DDAH1: variants seen among roughly 807,000 people sequenced by gnomAD.
The protein encoded by DDAH1 is N(G),N(G)-dimethylarginine dimethylaminohydrolase 1.
In DDAH1, 19 loss-of-function variants were observed where a neutral mutation model predicts 28.8. The ratio of observed to expected loss-of-function variants is 0.66; its 90% CI spans 0.46 to 0.97. DDAH1 has a LOEUF of 0.97. Among genes scored for constraint, DDAH1 ranks in the 50% least tolerant of loss-of-function variants. The probability of loss-of-function intolerance (pLI) is 0.00; values close to 1 mark genes in which losing one functional copy is unlikely to be tolerated. For synonymous variants in DDAH1, 153 were observed against 154.4 expected (o/e 0.99, Z 0.07); for missense variants, 326 against 375.9 (o/e 0.87, Z 1.10).
At chr1:85,529,429 T>A (rs1658003900) in intron 1 of DDAH1, among the ~76,000 whole-genome samples, 1 of 151,890 alleles carries the variant, frequency 6.6e-6, no homozygotes. Context: ...CACATGACAG[T>A]ATAGATTCCC....
intron 1 of DDAH1, among the ~76,000 whole-genome samples, chr1:85,389,188 A>C (rs971764429): frequency 7.9e-5 from 12 of 152,092 alleles, no homozygotes; most frequent in Admixed American, 3.3e-4. Flanking sequence ...CTAAAAATGA[A>C]AATTAAATGC....
chr1:85,350,451 T>C lies in DDAH1; in HGVS notation c.561A>G (p.Ala187=), dbSNP rs2230820. 300,607 of 1,613,702 alleles carry C rather than the reference T, an allele frequency of 0.19. 29,651 individuals are homozygous for C. The highest frequency in any genetic ancestry group is 0.21 in the Admixed American group (12,592 of 59,978). The change falls in exon 4 of 6, where the codon GCA becomes GCG. Residue 187 remains alanine (A), a synonymous_variant. Coordinates refer to ENST00000284031, the MANE Select transcript of DDAH1 (RefSeq NM_012137.4). ...TCTGTGCAGATTCACTAGACCCAAT[T>C]GCGATCAGGTTAGGCCCAGCCATGC... ...FCSMAGPNLI[A]IGSSESAQKA... is the part of the protein sequence containing the mutation.
At chr1:85,361,062 A>G (rs1441890250) in intron 1 of DDAH1, among the ~76,000 whole-genome samples, 2 of 152,228 alleles carry the variant, frequency 1.3e-5, no homozygotes, top group African/African-American at 4.8e-5. Context: ...TGAGAACTGC[A>G]GGGCCATATG....
chr1:85,386,947 G>A (rs914894251), intron 1 of DDAH1, among the ~76,000 whole-genome samples: 4 of 152,200 alleles, frequency 2.6e-5, no homozygotes, highest in Admixed American at 6.5e-5. Context: ...GACAATTGGA[G>A]AAATAACTGG....
chr1:85,474,767 C>T (rs10873703), intron 2 of DDAH1, among the ~76,000 whole-genome samples: 2,268 of 152,200 alleles, frequency 0.015, 79 homozygotes, highest in East Asian at 0.14. Flanking sequence ...TCTCATCAGC[C>T]CACTTTCATA....
At chr1:85,499,550 C>T (rs1656721040) in intron 1 of DDAH1, among the ~76,000 whole-genome samples, 1 of 152,076 alleles carries the variant, frequency 6.6e-6, no homozygotes, top group African/African-American at 2.4e-5. Flanking sequence ...TGGCACATGC[C>T]TGTAATCCCA....
chr1:85,485,445 T>C (rs571941952), intron 2 of DDAH1, among the ~76,000 whole-genome samples: 37 of 152,140 alleles, frequency 2.4e-4, no homozygotes, highest in African/African-American at 8.4e-4. Context: ...TTTTGCAGAT[T>C]TGGTAACTGC....
intron 1 of DDAH1, among the ~76,000 whole-genome samples, chr1:85,406,626 A>G (rs1652417742): frequency 6.6e-6 from 1 of 152,198 alleles, no homozygotes; most frequent in African/African-American, 2.4e-5. Context: ...TTATGCTTTG[A>G]AATATGTATA....
chr1:85,540,751 A>G (rs960334868), intron 1 of DDAH1, among the ~76,000 whole-genome samples: 1 of 152,090 alleles, frequency 6.6e-6, no homozygotes. Context: ...TGAGGTCAGG[A>G]GTTCAAGACC....
chr1:85,381,445 C>T (rs1001731940), intron 1 of DDAH1, among the ~76,000 whole-genome samples: 2 of 151,500 alleles, frequency 1.3e-5, no homozygotes, highest in East Asian at 1.9e-4. Context: ...CACCTGTCAC[C>T]GAGAAGTATA....
At chr1:85,569,965 A>G (rs2100563995) in intron 1 of DDAH1, among the ~76,000 whole-genome samples, 1 of 152,278 alleles carries the variant, frequency 6.6e-6, no homozygotes, top group African/African-American at 2.4e-5. Context: ...TCACCACAGA[A>G]TGTGACCCTC....
chr1:85,522,921 A>G (rs1321455350), intron 1 of DDAH1, among the ~76,000 whole-genome samples: 4 of 150,418 alleles, frequency 2.7e-5, no homozygotes, highest in Non-Finnish European at 4.4e-5. Context: ...GACACTTTCT[A>G]TGTGCCCAGA....
At chr1:85,435,836 G>A (rs1653908975) in intron 1 of DDAH1, among the ~76,000 whole-genome samples, 1 of 152,064 alleles carries the variant, frequency 6.6e-6, no homozygotes, top group African/African-American at 2.4e-5. Context: ...TGTTGCCCAG[G>A]TTGGAATACA....
In DDAH1 at chr1:85,416,805, C is replaced by T. The variant is rs182648950; in HGVS notation, c.303+47938G>A. 1.7e-3 allele frequency among the ~76,000 whole-genome samples: 251 copies of T among 152,052 alleles called. 1 individual carries two copies. The highest frequency in any genetic ancestry group is 0.015 in the East Asian group (78 of 5,148). On this transcript the variant is annotated intron_variant, in intron 1 of 5. Coordinates refer to ENST00000284031, the MANE Select transcript of DDAH1 (RefSeq NM_012137.4). ...ATCTCAGTCTTCTGAGTAGCTGTGA[C>T]CACAGGTGCACATCACTACATCCAG...
chr1:85,558,093 G>T (rs939397905), intron 1 of DDAH1, among the ~76,000 whole-genome samples: 1 of 152,150 alleles, frequency 6.6e-6, no homozygotes, highest in African/African-American at 2.4e-5. Flanking sequence ...CTGGTTGGGT[G>T]CAGTGGCTCA....
At chr1:85,516,200 G>T (rs1203674411) in intron 1 of DDAH1, among the ~76,000 whole-genome samples, 1 of 152,030 alleles carries the variant, frequency 6.6e-6, no homozygotes, top group African/African-American at 2.4e-5. Flanking sequence ...TTGCTAGGGA[G>T]ACTACAGTTC....
At chr1:85,486,390 G>A (rs1656205283) in intron 2 of DDAH1, among the ~76,000 whole-genome samples, 1 of 152,170 alleles carries the variant, frequency 6.6e-6, no homozygotes, top group South Asian at 2.1e-4. Context: ...AAGGCTCAGG[G>A]AGAATTGTTC....
At chr1:85,365,846 A>G (rs1263646260) in intron 1 of DDAH1, among the ~76,000 whole-genome samples, 2 of 152,286 alleles carry the variant, frequency 1.3e-5, no homozygotes, top group East Asian at 3.9e-4. Context: ...TTTACATAGC[A>G]CAAGTAAAGA....
intron 1 of DDAH1, chr1:85,576,639 C>G (rs1659613904): frequency 6.6e-6 from 1 of 152,412 alleles, no homozygotes; most frequent in South Asian, 2.1e-4. Context: ...CAGCCCCACA[C>G]CCTTGCGCCG....
Sources: gnomAD v4.1 joint callset for allele counts (sites outside exome capture counted in the v4.1 genomes callset) on GRCh38, gnomAD v4.1.1 for gene constraint, MANE v1.5 for transcripts, NCBI Gene and HGNC (gene_info 2026-07-23, HGNC 2026-07-21) for gene names.